Variants in WDR1 observed in about 807,000 individuals in gnomAD.
The protein encoded by WDR1 is WD repeat-containing protein 1.
In WDR1, 21 loss-of-function variants were observed where a neutral mutation model predicts 71.9. That is an observed-to-expected ratio of 0.29 (90% confidence interval 0.21 to 0.42). The LOEUF is 0.42. Among genes scored for constraint, WDR1 ranks in the 10% least tolerant of loss-of-function variants. The probability of loss-of-function intolerance (pLI) is 1.00; values close to 1 mark genes in which losing one functional copy is unlikely to be tolerated. For synonymous variants in WDR1, 424 were observed against 347.4 expected (o/e 1.22, Z -2.45); for missense variants, 696 against 824.5 (o/e 0.84, Z 1.91).
intron 5 of WDR1, among the ~76,000 whole-genome samples, chr4:10,089,086 C>T (rs1711795945): frequency 6.6e-6 from 1 of 152,202 alleles, no homozygotes; most frequent in Non-Finnish European, 1.5e-5. Flanking sequence ...AATCCTTAAG[C>T]TTCACGATGG....
rs779952541 is a variant in WDR1 at position 10,088,490 on chromosome 4, G to A, written c.637-117C>T. The A allele has an allele frequency of 2.5e-6, 3 of 1,209,238 alleles. No homozygotes were observed. The African/African-American group carries it at 4.5e-5, about 18-fold the overall frequency. The allele number at this position is 1,209,238 out of a possible 1,614,324, so 74.9% of individuals were successfully genotyped here. ...GGCTCACAGACTAAGCTCCCAGTGT[G>A]GTTTAAAAGCAGACATGCATTTACT... On this transcript the variant is annotated intron_variant, in intron 6 of 14. Coordinates refer to ENST00000499869, the MANE Select transcript of WDR1 (RefSeq NM_017491.5).
At chr4:10,101,612 T>C (rs549304459) in intron 3 of WDR1, among the ~76,000 whole-genome samples, 5 of 152,370 alleles carry the variant, frequency 3.3e-5, no homozygotes, top group African/African-American at 7.2e-5. Context: ...CGTCCCACGA[T>C]GGCCACTTAT....
intron 8 of WDR1, among the ~76,000 whole-genome samples, chr4:10,084,876 C>A (rs565952501): frequency 8.5e-5 from 13 of 152,232 alleles, no homozygotes; most frequent in Non-Finnish European, 1.5e-4. Flanking sequence ...TGCACCCCGC[C>A]GACCAGCACC....
intron 2 of WDR1, among the ~76,000 whole-genome samples, chr4:10,113,526 T>C (rs1713520282): frequency 6.6e-6 from 1 of 152,240 alleles, no homozygotes; most frequent in African/African-American, 2.4e-5. Flanking sequence ...GTAAGGACTC[T>C]GGCTTTCACC....
chr4:10,094,039 AG>A (rs938487579), intron 5 of WDR1, among the ~76,000 whole-genome samples: 3 of 152,230 alleles, frequency 2.0e-5, no homozygotes, highest in Admixed American at 2.0e-4. Context: ...AGGTCCCCGC[AG>A]GGCAGAGGCA....
chr4:10,088,405 G>A, intron 6 of WDR1, 32 bp from the exon 7 acceptor site: 2 of 1,539,998 alleles, frequency 1.3e-6, no homozygotes, highest in Non-Finnish European at 1.8e-6. Context: ...TGGGTCATGT[G>A]TGTGTGAACA....
At chr4:10,113,505 C>G (rs953858235) in intron 2 of WDR1, among the ~76,000 whole-genome samples, 10 of 152,216 alleles carry the variant, frequency 6.6e-5, no homozygotes, top group African/African-American at 2.4e-4. Context: ...AACGCTGGAG[C>G]CGAGGCCACG....
intron 2 of WDR1, among the ~76,000 whole-genome samples, chr4:10,113,686 TTA>T (rs1236098975): frequency 2.0e-5 from 3 of 152,198 alleles, no homozygotes; most frequent in African/African-American, 7.2e-5. Context: ...GGAAGATAGC[TTA>T]GTCGTGGGTG....
At chr4:10,103,102 C>A (rs542256488) in intron 3 of WDR1, among the ~76,000 whole-genome samples, 7 of 152,180 alleles carry the variant, frequency 4.6e-5, no homozygotes, top group Non-Finnish European at 8.8e-5. Context: ...TCCACCCCTG[C>A]CTCTGCCTAG....
At chr4:10,110,152 T>C (rs1047904305) in intron 2 of WDR1, among the ~76,000 whole-genome samples, 1 of 152,042 alleles carries the variant, frequency 6.6e-6, no homozygotes, top group African/African-American at 2.4e-5. Flanking sequence ...GACCCATACG[T>C]AGAAGTGACA....
At chr4:10,080,202 G>C (rs1490132016) in intron 11 of WDR1, among the ~76,000 whole-genome samples, 1 of 152,292 alleles carries the variant, frequency 6.6e-6, no homozygotes, top group East Asian at 1.9e-4. Context: ...CTCAGCCTCA[G>C]GGGAAAGGGT....
chr4:10,082,993 G>A (rs762290708), intron 10 of WDR1, 29 bp downstream of exon 10: 13 of 1,588,374 alleles, frequency 8.2e-6, no homozygotes, highest in South Asian at 2.2e-5. Flanking sequence ...AGGCTCATCC[G>A]GAACCCCCGC....
intron 9 of WDR1, 78 bp downstream of exon 9, chr4:10,084,365 G>GCCT (rs1223361468): frequency 7.2e-7 from 1 of 1,383,102 alleles, no homozygotes; most frequent in Non-Finnish European, 1.0e-6. Flanking sequence ...GGCTGGCCTG[G>GCCT]CCTCTGGCAT....
In WDR1 at chr4:10,116,197, G is replaced by A. The variant is rs757818048; in HGVS notation, c.54C>T (p.Gly18=). ...GGTCGCCGCCGATGATCTTGGAGAC[G>A]CCCCTCTCCACCTGCGGGAGGCTGG... is the stretch of plus-strand genomic sequence containing the variant. ...VFASLPQVER[G]VSKIIGGDPK... The change falls in exon 2 of 15, where the codon GGC becomes GGT. Residue 18 remains glycine (G), a synonymous_variant. Coordinates refer to ENST00000499869, the MANE Select transcript of WDR1 (RefSeq NM_017491.5). 1.2e-6 allele frequency: 2 copies of A among 1,613,702 alleles called. No individual in the cohort carries two copies. Among genetic ancestry groups the A allele is most frequent in the African/African-American group, 1.3e-5 (1 of 75,064 alleles).
Position 10,075,152 on chromosome 4 carries a change from T to C in WDR1, c.*226A>G. 1.8e-6 allele frequency: 1 copy of C among 544,060 alleles called. No homozygotes were observed. The highest frequency in any genetic ancestry group is 3.3e-6 in the Non-Finnish European group (1 of 305,792). 33.7% of individuals were successfully genotyped at this position (544,060 alleles called of 1,614,324 possible). A position where few individuals can be genotyped will look rare whatever the true frequency, so the allele number is the denominator to read the frequency against. ...GGTTTTAGTTATGCTCCACACATTG[T>C]TTAGGTGCTCGCTTTATTTTTCATG... On this transcript the variant is annotated 3_prime_UTR_variant, in exon 15 of 15. Transcript: ENST00000499869.
intron 3 of WDR1, among the ~76,000 whole-genome samples, chr4:10,101,807 C>G (rs973714240): frequency 7.2e-5 from 11 of 152,254 alleles, no homozygotes; most frequent in Admixed American, 1.3e-4. Flanking sequence ...CATTCCTCTC[C>G]TGAGAAGACA....
chr4:10,099,165 G>T (rs762719426), intron 3 of WDR1, 26 bp from the exon 4 acceptor site: 12 of 1,309,096 alleles, frequency 9.2e-6, no homozygotes, highest in Admixed American at 2.0e-5. Context: ...GGCGGGGGAG[G>T]GGGGGAGGCG....
chr4:10,109,087 C>T (rs1038085679), intron 2 of WDR1, among the ~76,000 whole-genome samples: 1 of 152,246 alleles, frequency 6.6e-6, no homozygotes, highest in Admixed American at 6.5e-5. Context: ...CTCAGACAGG[C>T]CCTGGGTGGG....
intron 3 of WDR1, among the ~76,000 whole-genome samples, chr4:10,100,624 C>G (rs1712628992): frequency 2.0e-5 from 3 of 152,198 alleles, no homozygotes; most frequent in Admixed American, 1.3e-4. Context: ...ATCCAGTGAA[C>G]AGCACTAACT....
Sources: gnomAD v4.1 joint callset for allele counts (sites outside exome capture counted in the v4.1 genomes callset) on GRCh38, gnomAD v4.1.1 for gene constraint, MANE v1.5 for transcripts, NCBI Gene and HGNC (gene_info 2026-07-23, HGNC 2026-07-21) for gene names.